Variants in AXDND1 observed in about 807,000 individuals in gnomAD.
The protein encoded by AXDND1 is axonemal dynein light chain domain containing 1.
AXDND1 carries 110 observed loss-of-function variants against 137.5 expected under a neutral mutation model. That is an observed-to-expected ratio of 0.80 (90% CI 0.69 to 0.94). The LOEUF is 0.94. AXDND1 is among the 40% of genes least tolerant of loss of function. AXDND1 has a pLI of 0.00. For synonymous variants in AXDND1, 414 were observed against 399.7 expected (o/e 1.04, Z -0.43); for missense variants, 1,191 against 1,169.8 (o/e 1.02, Z -0.26).
intron 17 of AXDND1, among the ~76,000 whole-genome samples, chr1:179,473,755 G>GT (rs1264637157): frequency 6.6e-6 from 1 of 152,112 alleles, no homozygotes; most frequent in Non-Finnish European, 1.5e-5. Context: ...AGATCTGATG[G>GT]TTTTATAAGC....
rs201354000 is a variant in AXDND1, at chr1:179,401,258, C to CAAAA, written c.1109+6073_1109+6076dup. ...GGGCAACAAGAACAAAACTCCATCT[C>CAAAA]AAAAAAAAAAAAAAAAAAAAGAACG... is the stretch of plus-strand genomic sequence containing the variant. On this transcript the variant is annotated intron_variant, in intron 11 of 25. Transcript: ENST00000367618. Among the ~76,000 whole-genome samples the CAAAA allele has an allele frequency of 6.3e-3, 522 of 83,430 alleles. 3 individuals carry two copies. Among genetic ancestry groups the CAAAA allele is most frequent in the East Asian group, 0.01 (31 of 3,012 alleles). 54.7% of individuals were successfully genotyped at this position (83,430 alleles called of 152,430 possible). A position where few individuals can be genotyped will look rare whatever the true frequency, so the allele number is the denominator to read the frequency against.
At chr1:179,431,174 T>C (rs1368811775) in intron 14 of AXDND1, among the ~76,000 whole-genome samples, 2 of 152,102 alleles carry the variant, frequency 1.3e-5, no homozygotes, top group African/African-American at 2.4e-5. Context: ...CTGGGTCTTA[T>C]TCTGTCACCC....
intron 17 of AXDND1, among the ~76,000 whole-genome samples, chr1:179,482,674 A>G (rs568921538): frequency 1.3e-5 from 2 of 152,078 alleles, no homozygotes; most frequent in East Asian, 3.9e-4. Flanking sequence ...CCATAGCACC[A>G]TTTTTAGAGG....
intron 17 of AXDND1, among the ~76,000 whole-genome samples, chr1:179,473,002 A>C (rs1256663207): frequency 1.3e-5 from 2 of 151,872 alleles, no homozygotes; most frequent in African/African-American, 4.8e-5. Context: ...TTTACCTTTA[A>C]AGATATTATT....
chr1:179,403,204 A>G (rs1385852373), intron 11 of AXDND1, among the ~76,000 whole-genome samples: 1 of 152,196 alleles, frequency 6.6e-6, no homozygotes, highest in Non-Finnish European at 1.5e-5. Flanking sequence ...GAAAATACTA[A>G]GAAAATCATA....
At chr1:179,519,173 G>A (rs1669825774) in intron 21 of AXDND1, among the ~76,000 whole-genome samples, 1 of 152,084 alleles carries the variant, frequency 6.6e-6, no homozygotes, top group South Asian at 2.1e-4. Flanking sequence ...ATGATTATTG[G>A]CCACATTTTT....
At chr1:179,466,778 A>C (rs1663257719) in intron 16 of AXDND1, among the ~76,000 whole-genome samples, 1 of 152,170 alleles carries the variant, frequency 6.6e-6, no homozygotes, top group African/African-American at 2.4e-5. Flanking sequence ...AGAGTTTTAG[A>C]GATAATTTGA....
At chr1:179,459,543 C>G (rs1472342799) in intron 16 of AXDND1, among the ~76,000 whole-genome samples, 1 of 151,972 alleles carries the variant, frequency 6.6e-6, no homozygotes, top group Non-Finnish European at 1.5e-5. Context: ...TCTTTTTATT[C>G]TCATATTGCT....
intron 9 of AXDND1, among the ~76,000 whole-genome samples, chr1:179,391,490 T>G (rs1055353134): frequency 3.9e-5 from 6 of 152,168 alleles, no homozygotes; most frequent in Non-Finnish European, 7.4e-5. Context: ...AGTGAATTAG[T>G]TCTCATGAGA....
chr1:179,366,492 T>G lies in AXDND1; in HGVS notation c.-18T>G. The G allele has an allele frequency of 1.1e-5, 18 of 1,578,854 alleles. No homozygotes were observed. Among genetic ancestry groups the G allele is most frequent in the East Asian group, 2.2e-5 (1 of 44,670 alleles). On this transcript the variant is annotated 5_prime_UTR_variant, in exon 2 of 26. Coordinates refer to ENST00000367618, the MANE Select transcript of AXDND1 (RefSeq NM_144696.6). ...GGACTATTTCAAATTACTAAAGAGATAGGAGGCATTGTTTATTATGTCTCT... is the reference window on the plus strand; with the variant it reads ...GGACTATTTCAAATTACTAAAGAGAGAGGAGGCATTGTTTATTATGTCTCT...
At chr1:179,511,534 C>A (rs2125646303) in intron 21 of AXDND1, among the ~76,000 whole-genome samples, 1 of 151,984 alleles carries the variant, frequency 6.6e-6, no homozygotes, top group South Asian at 2.1e-4. Flanking sequence ...CGTGTGCAAG[C>A]ATCTTTTTCC....
At chr1:179,368,529 A>G (rs998910474) in intron 2 of AXDND1, among the ~76,000 whole-genome samples, 1 of 152,162 alleles carries the variant, frequency 6.6e-6, no homozygotes, top group African/African-American at 2.4e-5. Flanking sequence ...TTAGTTTTCA[A>G]CTTTGAATTG....
intron 21 of AXDND1, among the ~76,000 whole-genome samples, chr1:179,523,552 C>T (rs897825748): frequency 6.6e-5 from 10 of 152,254 alleles, no homozygotes; most frequent in Middle Eastern, 3.4e-3. Flanking sequence ...CCTTTCTTCT[C>T]AGGCCCTGGA....
chr1:179,484,944 A>C (rs1665859965), intron 18 of AXDND1, among the ~76,000 whole-genome samples: 1 of 150,986 alleles, frequency 6.6e-6, no homozygotes. Flanking sequence ...CCACTGTGCC[A>C]ACAGTGCTGC....
intron 12 of AXDND1, among the ~76,000 whole-genome samples, chr1:179,426,135 A>T (rs568799630): frequency 3.6e-4 from 55 of 152,178 alleles, no homozygotes; most frequent in Non-Finnish European, 7.5e-4. Context: ...GCGCCTGGCC[A>T]AAGCTCTTTC....
intron 25 of AXDND1, chr1:179,543,494 G>A (rs1245819122): frequency 6.6e-6 from 1 of 152,182 alleles, no homozygotes; most frequent in Non-Finnish European, 1.5e-5. Flanking sequence ...CGTGCATGTT[G>A]GGGGGAGCAG....
At chr1:179,465,144 C>T (rs190029359) in intron 16 of AXDND1, among the ~76,000 whole-genome samples, 1 of 152,304 alleles carries the variant, frequency 6.6e-6, no homozygotes, top group Non-Finnish European at 1.5e-5. Context: ...ATTCTCCATC[C>T]AGGTTTGTTC....
At chr1:179,446,455 G>A (rs989394029) in intron 16 of AXDND1, among the ~76,000 whole-genome samples, 11 of 152,124 alleles carry the variant, frequency 7.2e-5, no homozygotes, top group East Asian at 1.9e-4. Flanking sequence ...TTAGGGATTC[G>A]GTGAAGAATG....
intron 18 of AXDND1, among the ~76,000 whole-genome samples, chr1:179,488,897 G>T (rs943982534): frequency 6.9e-6 from 1 of 145,430 alleles, no homozygotes; most frequent in East Asian, 2.0e-4. Flanking sequence ...ACCACACCAG[G>T]CCAATTTTTG....
Sources: gnomAD v4.1 joint callset for allele counts (sites outside exome capture counted in the v4.1 genomes callset) on GRCh38, gnomAD v4.1.1 for gene constraint, MANE v1.5 for transcripts, NCBI Gene and HGNC (gene_info 2026-07-23, HGNC 2026-07-21) for gene names.